The following CNTN5 variants were observed in gnomAD, a reference collection of about 807,000 sequenced individuals.
CNTN5 encodes contactin-5.
Under a neutral mutation model 129.1 loss-of-function variants are expected in CNTN5, and 77 were observed. The ratio of observed to expected loss-of-function variants is 0.60; its 90% CI spans 0.50 to 0.72. CNTN5 has a LOEUF of 0.72. Ranked by LOEUF, CNTN5 falls within the 30% of genes least tolerant of loss-of-function variation. The probability of loss-of-function intolerance (pLI) is 0.00; values close to 1 mark genes in which losing one functional copy is unlikely to be tolerated. For synonymous variants in CNTN5, 509 were observed against 465.6 expected (o/e 1.09, Z -1.20); for missense variants, 1,478 against 1,328.8 (o/e 1.11, Z -1.75).
chr11:99,940,975 C>A (rs1374347987), intron 7 of CNTN5, among the ~76,000 whole-genome samples: 8 of 151,984 alleles, frequency 5.3e-5, no homozygotes, highest in African/African-American at 1.7e-4. Context: ...GAAATATTCA[C>A]CCTAAACTGA....
At chr11:99,633,635 T>G (rs2135811521) in intron 3 of CNTN5, among the ~76,000 whole-genome samples, 1 of 152,206 alleles carries the variant, frequency 6.6e-6, no homozygotes, top group African/African-American at 2.4e-5. Context: ...ACAACAACAG[T>G]AAAACACCCA....
At chr11:99,924,811 T>C (rs1057440342) in intron 7 of CNTN5, among the ~76,000 whole-genome samples, 1 of 152,162 alleles carries the variant, frequency 6.6e-6, no homozygotes, top group African/African-American at 2.4e-5. Context: ...ATATAGCTAT[T>C]TAACATTATT....
chr11:99,198,349 T>A (rs970332828), intron 1 of CNTN5, among the ~76,000 whole-genome samples: 2 of 152,142 alleles, frequency 1.3e-5, no homozygotes, highest in African/African-American at 4.8e-5. Flanking sequence ...TCAGCATAAT[T>A]TTTAAAAACA....
intron 3 of CNTN5, among the ~76,000 whole-genome samples, chr11:99,629,282 A>C (rs1002915482): frequency 1.3e-5 from 2 of 152,038 alleles, no homozygotes; most frequent in African/African-American, 4.8e-5. Flanking sequence ...ATAAGAAATA[A>C]CTAATTTAAA....
intron 14 of CNTN5, among the ~76,000 whole-genome samples, chr11:100,191,814 C>T (rs149880022): frequency 9.2e-5 from 14 of 151,880 alleles, no homozygotes; most frequent in Admixed American, 5.9e-4. Flanking sequence ...TTCATTTTAT[C>T]GTTCTAAAAT....
chr11:100,060,610 G>C (rs1943424715), intron 9 of CNTN5, among the ~76,000 whole-genome samples: 1 of 148,398 alleles, frequency 6.7e-6, no homozygotes, highest in African/African-American at 2.5e-5. Context: ...AGTTACTGTT[G>C]TCATTTACAA....
rs74391175 is a variant in CNTN5, at chr11:99,441,657, A to T, written c.-70-114488A>T. 4.0e-3 allele frequency among the ~76,000 whole-genome samples: 609 copies of T among 152,336 alleles called. 24 individuals are homozygous for T. The East Asian group carries it at 0.073, about 18-fold the overall frequency. On this transcript the variant is annotated intron_variant, in intron 2 of 24. Coordinates refer to ENST00000524871, the MANE Select transcript of CNTN5 (RefSeq NM_014361.4). ...AACTTATGAGAGGTTGACTCAAAAT[A>T]GGAATTGATGCATTCAGATTGTTTT...
chr11:99,878,176 G>A (rs1017888788), intron 6 of CNTN5, among the ~76,000 whole-genome samples: 2 of 152,180 alleles, frequency 1.3e-5, no homozygotes, highest in Non-Finnish European at 2.9e-5. Context: ...AATGAAGTTA[G>A]ATCTAGGAAA....
chr11:99,903,732 T>C (rs771993508), intron 6 of CNTN5, among the ~76,000 whole-genome samples: 6 of 152,144 alleles, frequency 3.9e-5, no homozygotes, highest in Non-Finnish European at 5.9e-5. Context: ...AAACTCTAAA[T>C]ATAATTTTTT....
intron 9 of CNTN5, among the ~76,000 whole-genome samples, chr11:100,010,791 T>C (rs542834742): frequency 4.1e-4 from 63 of 152,158 alleles, no homozygotes; most frequent in Non-Finnish European, 8.5e-4. Flanking sequence ...GCCACATCTG[T>C]GGCTCTGTGA....
intron 23 of CNTN5, among the ~76,000 whole-genome samples, chr11:100,344,329 GAA>G (rs1952231516): frequency 6.6e-6 from 1 of 152,066 alleles, no homozygotes; most frequent in African/African-American, 2.4e-5. Context: ...AAATGCAGAG[GAA>G]AAAGTAGATA....
chr11:99,848,958 C>G (rs973226853), intron 6 of CNTN5, among the ~76,000 whole-genome samples: 3 of 152,098 alleles, frequency 2.0e-5, no homozygotes, highest in Non-Finnish European at 4.4e-5. Flanking sequence ...ATGATACTTT[C>G]TAAATCTTCA....
chr11:99,076,220 A>C (rs1258046971), intron 1 of CNTN5, among the ~76,000 whole-genome samples: 1 of 152,120 alleles, frequency 6.6e-6, no homozygotes, highest in Non-Finnish European at 1.5e-5. Context: ...CTGTAACCTC[A>C]GCTATTCAGG....
chr11:99,024,927 C>G (rs1263169078), intron 1 of CNTN5, among the ~76,000 whole-genome samples: 1 of 151,920 alleles, frequency 6.6e-6, no homozygotes, highest in East Asian at 1.9e-4. Context: ...TGATCACTGC[C>G]ATTTTTAAAC....
rs1591490541 is a variant in CNTN5 at position 100,297,689 on chromosome 11, C to G, written c.2379C>G (p.Ala793=). The change falls in exon 19 of 25, where the codon GCC becomes GCG. Residue 793 remains alanine, a synonymous_variant. Coordinates refer to ENST00000524871, the MANE Select transcript of CNTN5 (RefSeq NM_014361.4). ...RSGRRHELVI[A]WEPVSEEFQN... is the part of the protein sequence containing the mutation. ...GAAGAAGGCATGAGTTAGTCATTGC[C>G]TGGGAGGTAAGAAAAACACATCCTC... 1 of 1,598,554 alleles carries G rather than the reference C, an allele frequency of 6.3e-7. No homozygotes were observed. Among genetic ancestry groups the G allele is most frequent in the East Asian group, 2.3e-5 (1 of 44,352 alleles).
chr11:100,252,566 G>A (rs921852886), intron 16 of CNTN5, among the ~76,000 whole-genome samples: 1 of 151,986 alleles, frequency 6.6e-6, no homozygotes, highest in Non-Finnish European at 1.5e-5. Flanking sequence ...TTAGCTCTTT[G>A]ATACATTTTG....
intron 4 of CNTN5, among the ~76,000 whole-genome samples, chr11:99,824,641 T>C (rs975998366): frequency 6.6e-6 from 1 of 151,980 alleles, no homozygotes; most frequent in African/African-American, 2.4e-5. Flanking sequence ...GTGCTTTTCA[T>C]GTCCTAAAAA....
intron 1 of CNTN5, among the ~76,000 whole-genome samples, chr11:99,179,908 AT>A (rs1355244415): frequency 6.6e-6 from 1 of 152,158 alleles, no homozygotes; most frequent in Non-Finnish European, 1.5e-5. Context: ...GTCAACCACT[AT>A]TTTTATTCAG....
Position 100,025,996 on chromosome 11 carries a change from G to C in CNTN5, c.980+23860G>C, listed in dbSNP as rs563737659. ...GAAGGCATGACTGCTTTTGAAATGT[G>C]AAAGGGATATGAGATTTGTTTGGGG... On this transcript the variant is annotated intron_variant, in intron 9 of 24. Transcript: ENST00000524871. Among the ~76,000 whole-genome samples, 6 of 152,282 alleles carry C rather than the reference G, an allele frequency of 3.9e-5. No homozygotes were observed. The South Asian group carries it at 1.2e-3, about 32-fold the overall frequency.
Sources: gnomAD v4.1 joint callset for allele counts (sites outside exome capture counted in the v4.1 genomes callset) on GRCh38, gnomAD v4.1.1 for gene constraint, MANE v1.5 for transcripts, NCBI Gene and HGNC (gene_info 2026-07-23, HGNC 2026-07-21) for gene names.